Variants in PCDH19 observed in about 807,000 individuals in gnomAD.
PCDH19 encodes protocadherin 19, also known as protocadherin-19.
A neutral mutation model predicts 46.2 loss-of-function variants in PCDH19; 6 were observed. The ratio of observed to expected loss-of-function variants is 0.13; its 90% CI spans 0.07 to 0.26. The LOEUF (loss-of-function observed/expected upper bound fraction) is 0.26, where lower values mean the gene tolerates loss of function less well. PCDH19 is among the 10% of genes least tolerant of loss of function. The pLI, the probability that PCDH19 is intolerant of heterozygous loss-of-function variation, is 1.00. For missense variants in PCDH19, 740 were observed against 972.3 expected (o/e 0.76, Z 3.18); for synonymous variants, 481 against 415.7 (o/e 1.16, Z -1.91).
chrX:100,403,458 A>ACCCCC, intron 2 of PCDH19, 66 bp downstream of exon 2: 1 of 964,109 alleles, frequency 1.0e-6, no homozygotes, highest in Admixed American at 2.4e-5. Flanking sequence ...TCACCCCCCG[A>ACCCCC]CCCCCTCCTC....
chrX:100,304,847 T>C (rs1924889373), intron 5 of PCDH19, among the ~76,000 whole-genome samples: 1 of 112,133 alleles, frequency 8.9e-6, no homozygotes, highest in African/African-American at 3.2e-5. Context: ...ACAAGGATTT[T>C]TGAATTAACC....
chrX:100,408,262 G>A lies in PCDH19; in HGVS notation c.336C>T (p.Ile112=), dbSNP rs1444792861. Residue 112 remains isoleucine, a synonymous_variant, in exon 1 of 6, where the codon ATC becomes ATT. Coordinates refer to ENST00000373034, the MANE Select transcript of PCDH19 (RefSeq NM_001184880.2). ...CCTTGATCTCCACCTTTATCACGCA[G>A]ATTTCCATTGAGCTGGACATGACCT... The part of the protein sequence containing the change: ...SLEVMSSSME[I]CVIKVEIKDL... The A allele has an allele frequency of 5.8e-6, 7 of 1,210,150 alleles. No individual in the cohort carries two copies. The highest frequency in any genetic ancestry group is 7.8e-6 in the Non-Finnish European group (7 of 895,121).
intron 1 of PCDH19, among the ~76,000 whole-genome samples, chrX:100,404,814 A>T (rs1928297732): frequency 9.0e-6 from 1 of 111,608 alleles, no homozygotes; most frequent in Admixed American, 9.5e-5. Context: ...GCTTAAAAAG[A>T]GTCCTCTCCA....
chrX:100,359,821 G>C (rs1371278480), intron 3 of PCDH19, among the ~76,000 whole-genome samples: 3 of 110,243 alleles, frequency 2.7e-5, no homozygotes, highest in Non-Finnish European at 5.7e-5. Context: ...ATGTGTGTGT[G>C]TGTGTGTCTG....
intron 5 of PCDH19, among the ~76,000 whole-genome samples, chrX:100,338,309 T>C (rs1926151970): frequency 1.2e-5 from 1 of 85,742 alleles, no homozygotes. Context: ...GCCACTGCAC[T>C]CCAGCCTGGG....
chrX:100,304,722 C>CA (rs1232150907), intron 5 of PCDH19, among the ~76,000 whole-genome samples: 1 of 111,606 alleles, frequency 9.0e-6, no homozygotes, highest in African/African-American at 3.3e-5. Context: ...ATAGCATAAA[C>CA]AAAAAACAAT....
intron 3 of PCDH19, among the ~76,000 whole-genome samples, chrX:100,376,508 T>G (rs1055856111): frequency 9.0e-6 from 1 of 111,699 alleles, no homozygotes; most frequent in Non-Finnish European, 1.9e-5. Context: ...CTTTTCTTAT[T>G]AGCTAGGTCT....
intron 3 of PCDH19, among the ~76,000 whole-genome samples, chrX:100,367,490 G>A (rs1369289603): frequency 8.9e-6 from 1 of 112,113 alleles, no homozygotes; most frequent in Non-Finnish European, 1.9e-5. Context: ...GGTATCAATA[G>A]ATTTGGTGTC....
At chrX:100,382,233 A>G (rs1927575903) in intron 3 of PCDH19, among the ~76,000 whole-genome samples, 2 of 110,959 alleles carry the variant, frequency 1.8e-5, no homozygotes, top group South Asian at 7.7e-4. Context: ...CCCCCTCCCC[A>G]AGCCACCTAG....
intron 3 of PCDH19, among the ~76,000 whole-genome samples, chrX:100,397,660 CAAG>C (rs1310695867): frequency 8.9e-6 from 1 of 111,909 alleles, no homozygotes; most frequent in Non-Finnish European, 1.9e-5. Flanking sequence ...CTCCTGGAGG[CAAG>C]AAGAAGCCTC....
At chrX:100,341,277 C>T (rs756515947) in intron 5 of PCDH19, among the ~76,000 whole-genome samples, 5 of 111,770 alleles carry the variant, frequency 4.5e-5, no homozygotes, top group South Asian at 7.6e-4. Context: ...TTCACATTAA[C>T]GGAATATTTT....
chrX:100,311,066 A>G (rs1179916164), intron 5 of PCDH19, among the ~76,000 whole-genome samples: 1 of 109,915 alleles, frequency 9.1e-6, no homozygotes, highest in African/African-American at 3.3e-5. Flanking sequence ...GGCTGGTCTC[A>G]AAATCCTGGA....
chrX:100,297,548 G>A (rs1924655285), intron 5 of PCDH19, among the ~76,000 whole-genome samples: 1 of 111,476 alleles, frequency 9.0e-6, no homozygotes, highest in South Asian at 3.8e-4. Context: ...TTGGCCCTAC[G>A]CAAACATCAG....
chrX:100,296,452 G>A lies in PCDH19; in HGVS notation c.3272C>T (p.Ala1091Val). 8.3e-7 allele frequency: 1 copy of A among 1,211,504 alleles called. No homozygotes were observed. The highest frequency in any genetic ancestry group is 1.8e-5 in the South Asian group (1 of 56,914). ...VSYTIALAPP[A>V]RDLEQYVNNV... ...GTTGACATACTGCTCCAGATCACGG[G>A]CTGGGGGAGCCAGGGCAATGGTGTA... is the stretch of plus-strand genomic sequence containing the variant. Residue 1091 changes from alanine (A) to valine (V), a missense_variant, in exon 6 of 6, where the codon GCC (alanine) becomes GTC (valine). By Grantham distance (64) the Ala-to-Val change is moderately conservative. Transcript: ENST00000373034.
In PCDH19 at chrX:100,408,654, G is replaced by A; in HGVS notation, c.-57C>T. On this transcript the variant is annotated 5_prime_UTR_variant, in exon 1 of 6. It adds an upstream start codon to the 5' untranslated region. Coordinates refer to ENST00000373034, the MANE Select transcript of PCDH19 (RefSeq NM_001184880.2). Reference sequence around the variant, plus strand: ...TCCACACCCCTCCGAGACCGACGCCGTCGGCGCTCCAGCTTCCCGCCGGCT... The same window carrying A: ...TCCACACCCCTCCGAGACCGACGCCATCGGCGCTCCAGCTTCCCGCCGGCT... 4.0e-6 allele frequency: 4 copies of A among 1,006,693 alleles called. No homozygotes were observed. Among genetic ancestry groups the A allele is most frequent in the Non-Finnish European group, 5.4e-6 (4 of 739,413 alleles). The allele number at this position is 1,006,693 out of a possible 1,213,427, so 83.0% of individuals were successfully genotyped here. A position where few individuals can be genotyped will look rare whatever the true frequency, so the allele number is the denominator to read the frequency against.
At chrX:100,311,271 A>G (rs1228044950) in intron 5 of PCDH19, among the ~76,000 whole-genome samples, 2 of 111,792 alleles carry the variant, frequency 1.8e-5, no homozygotes, top group Non-Finnish European at 3.8e-5. Context: ...CACTTTCATG[A>G]TGGTCATGAG....
In PCDH19 at chrX:100,406,853, C is replaced by G. The variant is rs1029866851; in HGVS notation, c.1745G>C (p.Gly582Ala). Reference protein sequence around the residue: ...TAEVYIPRNSGIGYLVTVVKA... With the variant: ...TAEVYIPRNSAIGYLVTVVKA... ...GACAACAGTCACCAGGTAGCCTATGCCAGAGTTGCGGGGTATGTAGACCTC... is the reference window on the plus strand; with the variant it reads ...GACAACAGTCACCAGGTAGCCTATGGCAGAGTTGCGGGGTATGTAGACCTC... The change falls in exon 1 of 6, where the codon GGC (glycine) becomes GCC (alanine). Residue 582 changes from glycine (G) to alanine (A), a missense_variant. Transcript: ENST00000373034. 16 of 1,210,200 alleles carry G rather than the reference C, an allele frequency of 1.3e-5. No individual in the cohort carries two copies. The highest frequency in any genetic ancestry group is 1.8e-5 in the Non-Finnish European group (16 of 895,317).
intron 5 of PCDH19, among the ~76,000 whole-genome samples, chrX:100,311,876 C>T (rs1014516681): frequency 1.8e-5 from 2 of 111,006 alleles, no homozygotes; most frequent in Non-Finnish European, 3.8e-5. Context: ...ATCTGGAATA[C>T]TATAGTTGTG....
chrX:100,338,177 C>T (rs1299569537), intron 5 of PCDH19, among the ~76,000 whole-genome samples: 2 of 108,752 alleles, frequency 1.8e-5, no homozygotes, highest in Non-Finnish European at 3.8e-5. Flanking sequence ...CCCGTCTCTA[C>T]TAAAAATACA....
Sources: allele counts gnomAD v4.1 joint callset (sites outside exome capture counted in the v4.1 genomes callset), GRCh38; gene constraint gnomAD v4.1.1; transcripts MANE v1.5; gene names NCBI Gene and HGNC (gene_info 2026-07-23, HGNC 2026-07-21).